HTR2C: variants seen among roughly 807,000 people sequenced by gnomAD.
HTR2C encodes 5-hydroxytryptamine (serotonin) receptor 2C, G protein-coupled.
In HTR2C, 5 loss-of-function variants were observed where a neutral mutation model predicts 21.0. That is an observed-to-expected ratio of 0.24 (90% CI 0.12 to 0.50). The LOEUF (loss-of-function observed/expected upper bound fraction) is 0.50. Ranked by LOEUF, HTR2C falls within the 20% of genes least tolerant of loss-of-function variation. The pLI, the probability that HTR2C is intolerant of heterozygous loss-of-function variation, is 0.98. For synonymous variants in HTR2C, 150 were observed against 145.3 expected (o/e 1.03, Z -0.23); for missense variants, 271 against 371.2 (o/e 0.73, Z 2.22).
Position 114,812,095 on chromosome X carries a change from C to T in HTR2C, c.350-35908C>T, listed in dbSNP as rs782609692. On this transcript the variant is annotated intron_variant, in intron 4 of 5. Transcript: ENST00000276198. ...CTATTTTTCCTAAAGCTCTCTCTCC[C>T]CCTACCCACCCCCCACAACAGGACC... is the stretch of plus-strand genomic sequence containing the variant. Among the ~76,000 whole-genome samples, 9 of 109,476 alleles carry T rather than the reference C, an allele frequency of 8.2e-5. No individual in the cohort carries two copies. The South Asian group carries it at 3.6e-3, about 44-fold the overall frequency.
At chrX:114,788,692 A>C (rs1556442684) in intron 4 of HTR2C, among the ~76,000 whole-genome samples, 2 of 111,803 alleles carry the variant, frequency 1.8e-5, no homozygotes, top group Admixed American at 1.9e-4. Flanking sequence ...CTGTTGTCCA[A>C]GATGGAGTGC....
chrX:114,863,930 C>T (rs1161878002), intron 5 of HTR2C, among the ~76,000 whole-genome samples: 3 of 111,078 alleles, frequency 2.7e-5, no homozygotes, highest in Non-Finnish European at 3.8e-5. Context: ...TTGAAGTCTA[C>T]GTTACCAGAT....
chrX:114,910,033 T>A lies in HTR2C; in HGVS notation c.*2618T>A, dbSNP rs1281189695. ...CCACTACAGGTTTTATGAGACTTCC[T>A]ATTAATTTATTAAATTTATTAAATG... On this transcript the variant is annotated 3_prime_UTR_variant, in exon 6 of 6. Transcript: ENST00000276198. 1 of 112,245 alleles carries A rather than the reference T, an allele frequency of 8.9e-6. No individual in the cohort carries two copies. Among genetic ancestry groups the A allele is most frequent in the Non-Finnish European group, 1.9e-5 (1 of 53,247 alleles). 9.3% of individuals were successfully genotyped at this position (112,245 alleles called of 1,213,427 possible). A position where few individuals can be genotyped will look rare whatever the true frequency, so the allele number is the denominator to read the frequency against.
At chrX:114,850,226 T>G (rs782155217) in intron 5 of HTR2C, among the ~76,000 whole-genome samples, 1 of 110,265 alleles carries the variant, frequency 9.1e-6, no homozygotes, top group Non-Finnish European at 1.9e-5. Flanking sequence ...CTGGACAACA[T>G]GATGAAACCC....
At position 114,726,982 on chromosome X, in the gene HTR2C, T is replaced by A. The variant is rs2069487125; in HGVS notation, c.35+11T>A. 1.9e-6 allele frequency: 2 copies of A among 1,030,402 alleles called. No individual in the cohort carries two copies. The highest frequency in any genetic ancestry group is 2.6e-6 in the Non-Finnish European group (2 of 768,370). The allele number at this position is 1,030,402 out of a possible 1,213,427, so 84.9% of individuals were successfully genotyped here. On this transcript the variant is annotated intron_variant, in intron 3 of 5. Coordinates refer to ENST00000276198, the MANE Select transcript of HTR2C (RefSeq NM_000868.4). ...GGTGCATTCATTCCTGTAAGGATGT[T>A]ACTACTTATTATTTTAGTAAAAAGA... is the stretch of plus-strand genomic sequence containing the variant.
chrX:114,725,862 G>T (rs782372635), intron 2 of HTR2C, among the ~76,000 whole-genome samples: 1 of 109,867 alleles, frequency 9.1e-6, no homozygotes, highest in East Asian at 2.9e-4. Flanking sequence ...TGAGGAGGCA[G>T]TCTGCCCGTT....
intron 5 of HTR2C, among the ~76,000 whole-genome samples, chrX:114,884,404 AT>A (rs1421786945): frequency 2.7e-5 from 3 of 111,486 alleles, no homozygotes; most frequent in African/African-American, 9.8e-5. Flanking sequence ...TAAACCATAC[AT>A]CTGATAATAC....
At position 114,761,055 on chromosome X, in the gene HTR2C, G is replaced by A. The variant is rs782821025; in HGVS notation, c.349+29448G>A. On this transcript the variant is annotated intron_variant, in intron 4 of 5. Transcript: ENST00000276198. ...AGTAGCATTTTTTTTCTTAATTAGA[G>A]GAAGTGCTTTCAGAAATTGCAAATT... Among the ~76,000 whole-genome samples the A allele has an allele frequency of 1.2e-3, 139 of 111,215 alleles. 1 individual carries two copies. The highest frequency in any genetic ancestry group is 4.2e-3 in the African/African-American group (128 of 30,651).
At chrX:114,619,627 A>G (rs1006649250) in intron 2 of HTR2C, among the ~76,000 whole-genome samples, 4 of 110,798 alleles carry the variant, frequency 3.6e-5, no homozygotes, top group African/African-American at 1.3e-4. Context: ...CCAGTACACC[A>G]TTTAACTCCT....
chrX:114,891,865 G>A (rs184470004), intron 5 of HTR2C, among the ~76,000 whole-genome samples: 1 of 110,217 alleles, frequency 9.1e-6, no homozygotes, highest in Admixed American at 9.7e-5. Context: ...AATTTTTATC[G>A]GGAATAGATA....
intron 5 of HTR2C, among the ~76,000 whole-genome samples, chrX:114,890,964 A>C (rs1190567404): frequency 1.8e-5 from 2 of 111,258 alleles, no homozygotes; most frequent in African/African-American, 6.5e-5. Flanking sequence ...AATTATACCT[A>C]TATTAAGCCA....
At chrX:114,793,200 C>T (rs1178863406) in intron 4 of HTR2C, among the ~76,000 whole-genome samples, 2 of 111,026 alleles carry the variant, frequency 1.8e-5, no homozygotes, top group African/African-American at 6.5e-5. Flanking sequence ...TTTGCCCATG[C>T]CTACAGACAT....
chrX:114,772,864 A>G (rs1482100565), intron 4 of HTR2C, among the ~76,000 whole-genome samples: 1 of 111,766 alleles, frequency 8.9e-6, no homozygotes, highest in Non-Finnish European at 1.9e-5. Flanking sequence ...CTATTTCACC[A>G]TTCTGCATTT....
rs189206570 is a variant in HTR2C at position 114,849,734 on chromosome X, C to G, written c.550+1531C>G. 2.0e-3 allele frequency among the ~76,000 whole-genome samples: 219 copies of G among 111,884 alleles called. 2 individuals carry two copies. The highest frequency in any genetic ancestry group is 6.7e-3 in the African/African-American group (208 of 30,828). ...CTATGTAAATGAGAGAAATCTTGGG[C>G]CTTAAAATTGGATTAAGATGATTTC... On this transcript the variant is annotated intron_variant, in intron 5 of 5. Coordinates refer to ENST00000276198, the MANE Select transcript of HTR2C (RefSeq NM_000868.4).
At chrX:114,724,100 A>G (rs1286260863) in intron 2 of HTR2C, among the ~76,000 whole-genome samples, 1 of 106,053 alleles carries the variant, frequency 9.4e-6, no homozygotes, top group Non-Finnish European at 1.9e-5. Flanking sequence ...TGATATGTCT[A>G]ATGTTGACAG....
chrX:114,750,028 C>T (rs1259686948), intron 4 of HTR2C, among the ~76,000 whole-genome samples: 1 of 111,613 alleles, frequency 9.0e-6, no homozygotes, highest in Non-Finnish European at 1.9e-5. Flanking sequence ...GGTTTAGGAG[C>T]TCAGATCACA....
At position 114,722,154 on chromosome X, in the gene HTR2C, A is replaced by G. The variant is rs191966090; in HGVS notation, c.-79-4704A>G. 4.5e-4 allele frequency among the ~76,000 whole-genome samples: 50 copies of G among 110,732 alleles called. No homozygotes were observed. The East Asian group carries it at 0.011, about 23-fold the overall frequency. On this transcript the variant is annotated intron_variant, in intron 2 of 5. Coordinates refer to ENST00000276198, the MANE Select transcript of HTR2C (RefSeq NM_000868.4). Reference sequence around the variant, plus strand: ...ATTGATTCTTCCTACCTATGAGCATAGAATGTTCTTCCATTTGTTTGTATC... The same window carrying G: ...ATTGATTCTTCCTACCTATGAGCATGGAATGTTCTTCCATTTGTTTGTATC...
At chrX:114,718,558 A>G (rs1473961757) in intron 2 of HTR2C, among the ~76,000 whole-genome samples, 4 of 112,116 alleles carry the variant, frequency 3.6e-5, no homozygotes, top group African/African-American at 6.5e-5. Flanking sequence ...GTAAAATTGT[A>G]CTATTGAAAA....
chrX:114,896,277 T>C (rs2071296623), intron 5 of HTR2C, among the ~76,000 whole-genome samples: 1 of 112,372 alleles, frequency 8.9e-6, no homozygotes, highest in African/African-American at 3.2e-5. Context: ...TATTTTATGC[T>C]TCAACATATG....
Sources: allele counts gnomAD v4.1 joint callset (sites outside exome capture counted in the v4.1 genomes callset), GRCh38; gene constraint gnomAD v4.1.1; transcripts MANE v1.5; gene names NCBI Gene and HGNC (gene_info 2026-07-23, HGNC 2026-07-21).